The following RND3 variants were observed in gnomAD, a reference collection of about 807,000 sequenced individuals.
RND3 encodes the protein Rho family GTPase 3, also known as rho-related GTP-binding protein RhoE.
In RND3, 8 loss-of-function variants were observed where a neutral mutation model predicts 26.5. That is an observed-to-expected ratio of 0.30 (90% confidence interval 0.18 to 0.54). The LOEUF is 0.54. Among genes scored for constraint, RND3 ranks in the 20% least tolerant of loss-of-function variants. The pLI is 0.94. For missense variants in RND3, 207 were observed against 302.8 expected (o/e 0.68, Z 2.35); for synonymous variants, 113 against 113.0 (o/e 1.00, Z 0.00).
chr2:150,487,474 A>AAATATATATATATAT lies in RND3; in HGVS notation c.-38-20_-38-19insATATATATATATATT. ...ATTTTCTCTTAAGAAGAAAAAAAAA[A>AAATATATATATATAT]ATATATATATATATATATATTTCTC... is the stretch of plus-strand genomic sequence containing the variant. On this transcript the variant is annotated intron_variant, in intron 1 of 5. Coordinates refer to ENST00000263895, the MANE Select transcript of RND3 (RefSeq NM_005168.5). 3.2e-3 allele frequency: 639 copies of AAATATATATATATAT among 200,686 alleles called. No homozygotes were observed. Among genetic ancestry groups the AAATATATATATATAT allele is most frequent in the Admixed American group, 4.3e-3 (59 of 13,816 alleles). 12.4% of individuals were successfully genotyped at this position (200,686 alleles called of 1,614,324 possible).
chr2:150,471,686 C>T lies in RND3; in HGVS notation c.424G>A (p.Asp142Asn). 6.2e-7 allele frequency: 1 copy of T among 1,613,374 alleles called. No homozygotes were observed. Among genetic ancestry groups the T allele is most frequent in the Non-Finnish European group, 8.5e-7 (1 of 1,179,478 alleles). ...LVGCKSDLRT[D>N]VSTLVELSNH... The stretch of plus-strand genomic sequence containing the variant: ...GAGAGCTCTACTAATGTACTAACAT[C>T]TGTCCGCAGATCAGACTTGCAGCCG... Residue 142 changes from aspartate (D) to asparagine (N), a missense_variant, in exon 5 of 6, where the codon GAT becomes AAT. Asp to Asn is a conservative substitution (Grantham distance 23). Coordinates refer to ENST00000263895, the MANE Select transcript of RND3 (RefSeq NM_005168.5).
rs372349858 is a variant in RND3 at position 150,486,662 on chromosome 2, C to T, written c.238+32G>A. ...GCATCCCCCAGCGACTGGAAACCCGCCCCAAGCGCCACGCGGTCCTCCCAC... is the reference window on the plus strand; with the variant it reads ...GCATCCCCCAGCGACTGGAAACCCGTCCCAAGCGCCACGCGGTCCTCCCAC... On this transcript the variant is annotated intron_variant, in intron 3 of 5. Coordinates refer to ENST00000263895, the MANE Select transcript of RND3 (RefSeq NM_005168.5). The surrounding 1 kb of genome is among the most constrained non-coding windows in gnomAD (Gnocchi z 4.5). 192 of 1,498,202 alleles carry T rather than the reference C, an allele frequency of 1.3e-4. No homozygotes were observed. The highest frequency in any genetic ancestry group is 3.0e-5 in the Non-Finnish European group (32 of 1,074,550). The allele number at this position is 1,498,202 out of a possible 1,614,324, so 92.8% of individuals were successfully genotyped here.
chr2:150,476,965 G>T (rs1026943671), intron 3 of RND3, among the ~76,000 whole-genome samples: 1 of 152,166 alleles, frequency 6.6e-6, no homozygotes, highest in African/African-American at 2.4e-5. Flanking sequence ...CACGGCACCT[G>T]CTGTAAACAT....
chr2:150,470,267 A>G (rs1376588992), intron 5 of RND3, 29 bp from the exon 6 acceptor site: 1 of 1,606,686 alleles, frequency 6.2e-7, no homozygotes, highest in East Asian at 2.2e-5. Flanking sequence ...GATTTTAACC[A>G]GCAATAAGAC....
Position 150,469,263 on chromosome 2 carries a change from A to G in RND3, c.*724T>C, listed in dbSNP as rs961159925. 1.3e-5 allele frequency: 2 copies of G among 152,626 alleles called. No individual in the cohort carries two copies. The highest frequency in any genetic ancestry group is 4.8e-5 in the African/African-American group (2 of 41,466). The allele number at this position is 152,626 out of a possible 1,614,324, so 9.5% of individuals were successfully genotyped here. A position where few individuals can be genotyped will look rare whatever the true frequency, so the allele number is the denominator to read the frequency against. On this transcript the variant is annotated 3_prime_UTR_variant, in exon 6 of 6. Coordinates refer to ENST00000263895, the MANE Select transcript of RND3 (RefSeq NM_005168.5). ...TTACCACTTTTTAATGACAATCACA[A>G]TGAAGAACAGAACCATCAGACTGAA...
Position 150,471,772 on chromosome 2 carries a change from A to G in RND3, c.349-11T>C, listed in dbSNP as rs76104238. The G allele has an allele frequency of 7.5e-5, 48 of 636,160 alleles. No homozygotes were observed. The Middle Eastern group carries it at 1.3e-3, about 17-fold the overall frequency. The allele number at this position is 636,160 out of a possible 1,614,324, so 39.4% of individuals were successfully genotyped here. ...GATTTCACCTTTCCACTATGAAAGA[A>G]AAAAAAAAAAGATTAAAAATGAACA... On this transcript the variant is annotated splice_polypyrimidine_tract_variant and intron_variant, in intron 4 of 5. Coordinates refer to ENST00000263895, the MANE Select transcript of RND3 (RefSeq NM_005168.5).
At chr2:150,485,934 T>G (rs1204942011) in intron 3 of RND3, among the ~76,000 whole-genome samples, 1 of 151,314 alleles carries the variant, frequency 6.6e-6, no homozygotes, top group Non-Finnish European at 1.5e-5. Flanking sequence ...CAAAGGCGAA[T>G]AGTGTTGCCC....
At chr2:150,478,579 C>CAAAAAAAAAAAA (rs1229770069) in intron 3 of RND3, among the ~76,000 whole-genome samples, 1,901 of 105,818 alleles carry the variant, frequency 0.018, 33 homozygotes, top group African/African-American at 0.037. Flanking sequence ...AGCCAAACGG[C>CAAAAAAAAAAAA]AAAAAAAAAA....
At chr2:150,470,655 C>T (rs1686071924) in intron 5 of RND3, among the ~76,000 whole-genome samples, 1 of 152,140 alleles carries the variant, frequency 6.6e-6, no homozygotes, top group Non-Finnish European at 1.5e-5. Context: ...TTTCCAGGGT[C>T]ACAGCAAGCA....
rs1558868225 is a variant in RND3, at chr2:150,468,631, A to T, written c.*1356T>A. 3 of 152,690 alleles carry T rather than the reference A, an allele frequency of 2.0e-5. No homozygotes were observed. The highest frequency in any genetic ancestry group is 7.2e-5 in the African/African-American group (3 of 41,474). The allele number at this position is 152,690 out of a possible 1,614,324, so 9.5% of individuals were successfully genotyped here. On this transcript the variant is annotated 3_prime_UTR_variant, in exon 6 of 6. Coordinates refer to ENST00000263895, the MANE Select transcript of RND3 (RefSeq NM_005168.5). ...ATCATGGGAAAGAAAGCTCGTTTTC[A>T]ACAAGCGCCAACAATAAACAGGTCA...
intron 3 of RND3, among the ~76,000 whole-genome samples, chr2:150,478,578 G>GAAAAAAAAAA (rs752844515): frequency 0.091 from 6,560 of 72,002 alleles, 177 homozygotes; most frequent in Non-Finnish European, 0.11. Context: ...AAGCCAAACG[G>GAAAAAAAAAA]CAAAAAAAAA....
In RND3 at chr2:150,487,474, A is replaced by AAATATATATATAT; in HGVS notation, c.-38-20_-38-19insATATATATATATT. 506 of 200,732 alleles carry AAATATATATATAT rather than the reference A, an allele frequency of 2.5e-3. 2 individuals carry two copies. Among genetic ancestry groups the AAATATATATATAT allele is most frequent in the African/African-American group, 3.5e-3 (129 of 36,628 alleles). The allele number at this position is 200,732 out of a possible 1,614,324, so 12.4% of individuals were successfully genotyped here. A position where few individuals can be genotyped will look rare whatever the true frequency, so the allele number is the denominator to read the frequency against. On this transcript the variant is annotated intron_variant, in intron 1 of 5. Transcript: ENST00000263895. ...ATTTTCTCTTAAGAAGAAAAAAAAA[A>AAATATATATATAT]ATATATATATATATATATATTTCTC... is the stretch of plus-strand genomic sequence containing the variant.
intron 3 of RND3, among the ~76,000 whole-genome samples, chr2:150,481,238 A>G (rs997016180): frequency 6.6e-6 from 1 of 151,974 alleles, no homozygotes; most frequent in African/African-American, 2.4e-5. Flanking sequence ...GCCTTCAAGA[A>G]CTCTTTGGAT....
Position 150,476,377 on chromosome 2 carries a change from G to A in RND3, c.239-1393C>T, listed in dbSNP as rs377624297. Among the ~76,000 whole-genome samples the A allele has an allele frequency of 2.7e-3, 405 of 152,244 alleles. 2 individuals are homozygous for A. The highest frequency in any genetic ancestry group is 9.0e-3 in the African/African-American group (374 of 41,550). On this transcript the variant is annotated intron_variant, in intron 3 of 5. Coordinates refer to ENST00000263895, the MANE Select transcript of RND3 (RefSeq NM_005168.5). Reference sequence around the variant, plus strand: ...AAAGGCACTATAGTCAGGGGGCATCGCCCTCTATTCACACAGTACACTCTG... The same window carrying A: ...AAAGGCACTATAGTCAGGGGGCATCACCCTCTATTCACACAGTACACTCTG...
At chr2:150,485,078 G>A (rs571840538) in intron 3 of RND3, among the ~76,000 whole-genome samples, 5 of 152,152 alleles carry the variant, frequency 3.3e-5, no homozygotes, top group Non-Finnish European at 5.9e-5. Flanking sequence ...CTTGAATTCT[G>A]TCTACCAACA....
At chr2:150,471,573 C>G in intron 5 of RND3, 54 bp downstream of exon 5, 1 of 1,418,424 alleles carries the variant, frequency 7.1e-7, no homozygotes, top group Non-Finnish European at 9.7e-7. Context: ...GAGTGATAGT[C>G]CATTTCTTTC....
At position 150,481,557 on chromosome 2, in the gene RND3, T is replaced by C. The variant is rs1426991685; in HGVS notation, c.238+5137A>G. On this transcript the variant is annotated intron_variant, in intron 3 of 5. Transcript: ENST00000263895. ...TTTTCACCATGTCTGTCTTATCACA[T>C]GGTGAAACTGTGAGTACCTAAGGGC... is the stretch of plus-strand genomic sequence containing the variant. Among the ~76,000 whole-genome samples the C allele has an allele frequency of 2.0e-5, 3 of 152,174 alleles. No individual in the cohort carries two copies. In the East Asian group the frequency reaches 5.8e-4, roughly 29 times the overall value.
intron 3 of RND3, among the ~76,000 whole-genome samples, chr2:150,475,452 C>A (rs1190496003): frequency 2.6e-5 from 4 of 152,148 alleles, no homozygotes; most frequent in Admixed American, 1.3e-4. Context: ...AGTAAGGGAT[C>A]AATACGTATT....
chr2:150,475,126 C>T (rs969075557), intron 3 of RND3, 142 bp from the exon 4 acceptor site: 18 of 584,940 alleles, frequency 3.1e-5, no homozygotes, highest in Non-Finnish European at 5.6e-5. Flanking sequence ...GAAAAGAATT[C>T]AAACAGACAC....
Sources: gnomAD v4.1 joint callset for allele counts (sites outside exome capture counted in the v4.1 genomes callset) on GRCh38, gnomAD v4.1.1 for gene constraint, Gnocchi (gnomAD v3.1) non-coding constraint, MANE v1.5 for transcripts, NCBI Gene and HGNC (gene_info 2026-07-23, HGNC 2026-07-21) for gene names.